The following HIVEP3 variants were observed in gnomAD, a reference collection of about 807,000 sequenced individuals.
HIVEP3 encodes HIVEP zinc finger 3, also known as transcription factor HIVEP3.
HIVEP3 carries 49 observed loss-of-function variants against 152.8 expected under a neutral mutation model. The ratio of observed to expected loss-of-function variants is 0.32; its 90% CI spans 0.26 to 0.41. The LOEUF is 0.41. HIVEP3 is among the 10% of genes least tolerant of loss of function. The probability of loss-of-function intolerance (pLI) is 1.00; values close to 1 mark genes in which losing one functional copy is unlikely to be tolerated. For missense variants in HIVEP3, 2,790 were observed against 3,103.3 expected, an observed-to-expected ratio of 0.90 and a Z score of 2.40; for synonymous variants, 1,269 against 1,289.0, an observed-to-expected ratio of 0.98 and a Z score of 0.33.
intron 1 of HIVEP3, among the ~76,000 whole-genome samples, chr1:41,930,829 G>A (rs376664049): frequency 7.9e-5 from 12 of 152,104 alleles, no homozygotes; most frequent in Non-Finnish European, 1.5e-4. Flanking sequence ...TAATTGATAT[G>A]CATGATAGTT....
At chr1:41,815,769 T>C (rs1437784112) in intron 1 of HIVEP3, among the ~76,000 whole-genome samples, 3 of 148,746 alleles carry the variant, frequency 2.0e-5, no homozygotes, top group Admixed American at 6.8e-5. Flanking sequence ...TTTTTTTTTA[T>C]TGTTGTTGTT....
intron 1 of HIVEP3, among the ~76,000 whole-genome samples, chr1:41,800,564 C>T (rs116817403): frequency 1.1e-3 from 175 of 152,362 alleles, no homozygotes; most frequent in African/African-American, 3.9e-3. Flanking sequence ...CAGCAGAGAA[C>T]CACCCAGCCA....
At chr1:41,710,265 AG>A (rs1416497232) in intron 1 of HIVEP3, among the ~76,000 whole-genome samples, 3 of 152,134 alleles carry the variant, frequency 2.0e-5, no homozygotes, top group Non-Finnish European at 4.4e-5. Flanking sequence ...GGTCATCTGC[AG>A]GGCTAGAAAG....
intron 5 of HIVEP3, among the ~76,000 whole-genome samples, chr1:41,531,302 A>G (rs1643242259): frequency 7.1e-6 from 1 of 141,054 alleles, no homozygotes; most frequent in African/African-American, 2.7e-5. Context: ...AGGACAGGAG[A>G]GATGGAGGAC....
intron 2 of HIVEP3, among the ~76,000 whole-genome samples, chr1:41,646,125 G>A (rs922937623): frequency 4.6e-5 from 7 of 152,176 alleles, no homozygotes; most frequent in Non-Finnish European, 1.0e-4. Flanking sequence ...CCAAGGTTGG[G>A]AGAGGAGTTT....
chr1:41,841,954 G>A (rs927250826), intron 1 of HIVEP3, among the ~76,000 whole-genome samples: 1 of 151,998 alleles, frequency 6.6e-6, no homozygotes, highest in African/African-American at 2.4e-5. Flanking sequence ...TTAGCCAGGC[G>A]TGGTGGTGTG....
chr1:41,799,708 G>T (rs1034366040), intron 1 of HIVEP3, among the ~76,000 whole-genome samples: 1 of 151,822 alleles, frequency 6.6e-6, no homozygotes, highest in Admixed American at 6.6e-5. Flanking sequence ...AGTTGCATGA[G>T]ATCAAAAAAA....
At chr1:41,576,256 G>C (rs144759887) in intron 4 of HIVEP3, among the ~76,000 whole-genome samples, 1 of 152,232 alleles carries the variant, frequency 6.6e-6, no homozygotes, top group Non-Finnish European at 1.5e-5. Flanking sequence ...CAGGAGCTGG[G>C]CTGAGGACCC....
At position 41,750,086 on chromosome 1, in the gene HIVEP3, G is replaced by T. The variant is rs947269618; in HGVS notation, c.-800-49091C>A. On this transcript the variant is annotated intron_variant, in intron 1 of 8. Transcript: ENST00000372583. Reference sequence around the variant, plus strand: ...CCTCCTGGTTAAGAGTCAGAACCTGGGTGGAATCTTGGCTCTGCCACTCAT... The same window carrying T: ...CCTCCTGGTTAAGAGTCAGAACCTGTGTGGAATCTTGGCTCTGCCACTCAT... Among the ~76,000 whole-genome samples, 3 of 152,162 alleles carry T rather than the reference G, an allele frequency of 2.0e-5. No homozygotes were observed. In the East Asian group the frequency reaches 5.8e-4, roughly 29 times the overall value.
chr1:41,628,720 C>T, intron 3 of HIVEP3, 29 bp downstream of exon 3: 1 of 1,226,764 alleles, frequency 8.2e-7, no homozygotes, highest in Non-Finnish European at 1.0e-6. Flanking sequence ...GCCTGGCAAG[C>T]ATATTCAGCA....
At chr1:41,871,205 C>G (rs866204037) in intron 1 of HIVEP3, among the ~76,000 whole-genome samples, 1 of 152,182 alleles carries the variant, frequency 6.6e-6, no homozygotes, top group Non-Finnish European at 1.5e-5. Flanking sequence ...AACTTCCAGA[C>G]TTACTGCTTT....
chr1:41,622,445 A>C (rs1308297508), intron 3 of HIVEP3, among the ~76,000 whole-genome samples: 1 of 152,202 alleles, frequency 6.6e-6, no homozygotes, highest in Non-Finnish European at 1.5e-5. Flanking sequence ...GGGAATGCTG[A>C]GCTAAGGGTC....
chr1:42,023,118 T>C (rs934312197), intron 1 of HIVEP3, among the ~76,000 whole-genome samples: 3 of 152,154 alleles, frequency 2.0e-5, no homozygotes, highest in Admixed American at 2.0e-4. Context: ...GTGATTCTCA[T>C]GCCTCAGCCT....
chr1:41,923,053 G>C (rs1261385700), upstream of HIVEP3, among the ~76,000 whole-genome samples: 1 of 152,130 alleles, frequency 6.6e-6, no homozygotes, highest in African/African-American at 2.4e-5. Flanking sequence ...TCATCAGTTA[G>C]AAATATATAC....
chr1:41,917,643 A>G (rs1226445126), intron 1 of HIVEP3, among the ~76,000 whole-genome samples: 6 of 152,148 alleles, frequency 3.9e-5, no homozygotes, highest in Admixed American at 3.9e-4. Flanking sequence ...GGACAATATC[A>G]TTAGGGACCA....
intron 5 of HIVEP3, among the ~76,000 whole-genome samples, chr1:41,546,609 A>G (rs1643809984): frequency 6.6e-6 from 1 of 152,230 alleles, no homozygotes; most frequent in Non-Finnish European, 1.5e-5. Context: ...GGCCTTGCCC[A>G]AGGTCACACA....
intron 1 of HIVEP3, among the ~76,000 whole-genome samples, chr1:41,814,946 T>C (rs1428970252): frequency 3.3e-5 from 5 of 152,216 alleles, no homozygotes; most frequent in African/African-American, 1.2e-4. Flanking sequence ...GTTTTGGAGA[T>C]ACAGCAGTAA....
chr1:41,978,848 C>T (rs1012833130), intron 1 of HIVEP3, among the ~76,000 whole-genome samples: 2 of 152,108 alleles, frequency 1.3e-5, no homozygotes, highest in Admixed American at 6.6e-5. Context: ...CATGCAGGAT[C>T]TAGTTTAGAC....
In HIVEP3 at chr1:41,583,473, G is replaced by A. The variant is rs769873641; in HGVS notation, c.1325C>T (p.Pro442Leu). 1 of 1,613,578 alleles carries A rather than the reference G, an allele frequency of 6.2e-7. No individual in the cohort carries two copies. Among genetic ancestry groups the A allele is most frequent in the Non-Finnish European group, 8.5e-7 (1 of 1,179,594 alleles). Residue 442 changes from proline to leucine, a missense_variant, in exon 4 of 9, where the codon CCC (proline) becomes CTC (leucine). By Grantham distance (98) the Pro-to-Leu change is moderately conservative. Coordinates refer to ENST00000372583, the MANE Select transcript of HIVEP3 (RefSeq NM_024503.5). The surrounding 1 kb of genome is among the most constrained non-coding windows in gnomAD (Gnocchi z 6.9). ...LTATSTQPLL[P>L]LSTEDKPSLV... ...GCTGGGCTTGTCTTCGGTGGACAGG[G>A]GCAGGAGGGGCTGGGTGGAGGTGGC...
Sources: gnomAD v4.1 joint callset for allele counts (sites outside exome capture counted in the v4.1 genomes callset) on GRCh38, gnomAD v4.1.1 for gene constraint, Gnocchi (gnomAD v3.1) non-coding constraint, MANE v1.5 for transcripts, NCBI Gene and HGNC (gene_info 2026-07-23, HGNC 2026-07-21) for gene names.